The following SNTG1 variants were observed in gnomAD, a reference collection of about 807,000 sequenced individuals.
SNTG1 encodes the protein gamma-1-syntrophin.
A neutral mutation model predicts 74.7 loss-of-function variants in SNTG1; 39 were observed. That is an observed-to-expected ratio of 0.52 (90% CI 0.40 to 0.68). The LOEUF is 0.68. SNTG1 is among the 30% of genes least tolerant of loss of function. The pLI, the probability that SNTG1 is intolerant of heterozygous loss-of-function variation, is 0.00. For missense variants in SNTG1, 685 were observed against 609.5 expected, an observed-to-expected ratio of 1.12 and a Z score of -1.30; for synonymous variants, 254 against 217.1, an observed-to-expected ratio of 1.17 and a Z score of -1.49.
At chr8:50,060,080 T>C (rs1586094905) in intron 1 of SNTG1, among the ~76,000 whole-genome samples, 1 of 152,146 alleles carries the variant, frequency 6.6e-6, no homozygotes, top group African/African-American at 2.4e-5. Context: ...GTGGTTTTGA[T>C]TGGCATTTTC....
intron 1 of SNTG1, among the ~76,000 whole-genome samples, chr8:50,138,006 A>T (rs753586064): frequency 6.6e-6 from 1 of 152,168 alleles, no homozygotes; most frequent in Non-Finnish European, 1.5e-5. Context: ...GATCAAGCCA[A>T]TATCTTTCTT....
At chr8:50,273,966 G>T (rs2087935287) in intron 2 of SNTG1, among the ~76,000 whole-genome samples, 1 of 152,012 alleles carries the variant, frequency 6.6e-6, no homozygotes, top group Admixed American at 6.6e-5. Flanking sequence ...CATATAGATT[G>T]TGCACCTACT....
At chr8:50,047,973 A>AT (rs1225420493) in intron 1 of SNTG1, among the ~76,000 whole-genome samples, 1 of 152,144 alleles carries the variant, frequency 6.6e-6, no homozygotes, top group African/African-American at 2.4e-5. Context: ...ATTTCAAGGT[A>AT]TTTTTCAGAG....
chr8:50,365,785 T>A (rs945457660), intron 2 of SNTG1, among the ~76,000 whole-genome samples: 5 of 152,078 alleles, frequency 3.3e-5, no homozygotes, highest in Admixed American at 1.3e-4. Context: ...AAATTACGAG[T>A]GGTAAAGACA....
intron 8 of SNTG1, among the ~76,000 whole-genome samples, chr8:50,463,145 C>T (rs1032399629): frequency 3.3e-5 from 5 of 152,168 alleles, no homozygotes; most frequent in Non-Finnish European, 7.3e-5. Context: ...AGTTCTCTTG[C>T]TATTTCCACT....
chr8:50,167,196 A>G (rs1355939898), intron 1 of SNTG1, among the ~76,000 whole-genome samples: 11 of 148,462 alleles, frequency 7.4e-5, no homozygotes, highest in East Asian at 2.0e-4. Context: ...TGGGTGCAGC[A>G]CACCAGCATG....
At chr8:50,364,416 G>A (rs560606789) in intron 2 of SNTG1, among the ~76,000 whole-genome samples, 5 of 152,226 alleles carry the variant, frequency 3.3e-5, no homozygotes, top group South Asian at 2.1e-4. Context: ...CTATGACATC[G>A]TAATTTCACA....
At chr8:50,493,413 A>G (rs2093875897) in intron 8 of SNTG1, among the ~76,000 whole-genome samples, 1 of 152,160 alleles carries the variant, frequency 6.6e-6, no homozygotes, top group African/African-American at 2.4e-5. Context: ...GGACTTTTCT[A>G]ATGTTTGTAA....
At chr8:50,367,697 T>C (rs1256205546) in intron 2 of SNTG1, among the ~76,000 whole-genome samples, 1 of 152,152 alleles carries the variant, frequency 6.6e-6, no homozygotes, top group Non-Finnish European at 1.5e-5. Context: ...ATCTAGTAAT[T>C]ACCTGTGATT....
At chr8:50,755,891 C>G (rs1272725229) in intron 18 of SNTG1, among the ~76,000 whole-genome samples, 1 of 151,540 alleles carries the variant, frequency 6.6e-6, no homozygotes, top group Non-Finnish European at 1.5e-5. Flanking sequence ...TAATTTTCAT[C>G]TGTATATATT....
At chr8:50,625,010 T>G (rs2094947640) in intron 13 of SNTG1, among the ~76,000 whole-genome samples, 1 of 152,192 alleles carries the variant, frequency 6.6e-6, no homozygotes, top group Non-Finnish European at 1.5e-5. Context: ...CTTCAGCATT[T>G]CTTTTGCTCT....
chr8:50,360,101 C>T (rs1001194196), intron 2 of SNTG1, among the ~76,000 whole-genome samples: 1 of 151,976 alleles, frequency 6.6e-6, no homozygotes, highest in African/African-American at 2.4e-5. Flanking sequence ...ATTAACTGGT[C>T]TAACAGTTCA....
chr8:50,654,712 C>T (rs760443465), intron 13 of SNTG1, among the ~76,000 whole-genome samples: 26 of 152,072 alleles, frequency 1.7e-4, no homozygotes, highest in Non-Finnish European at 3.5e-4. Context: ...GAAAGAATTT[C>T]CATTTTCTTT....
In SNTG1 at chr8:50,535,380, C is replaced by A. The variant is rs189694233; in HGVS notation, c.550-1298C>A. 8.5e-5 allele frequency among the ~76,000 whole-genome samples: 13 copies of A among 152,244 alleles called. No homozygotes were observed. The East Asian group carries it at 2.3e-3, about 27-fold the overall frequency. Reference sequence around the variant, plus strand: ...ATATGCTGACCACCTGTACAGCTGACATGAAGATCTGACCTCACATCACAT... The same window carrying A: ...ATATGCTGACCACCTGTACAGCTGAAATGAAGATCTGACCTCACATCACAT... On this transcript the variant is annotated intron_variant, in intron 10 of 18. Coordinates refer to ENST00000642720, the MANE Select transcript of SNTG1 (RefSeq NM_018967.5).
chr8:50,625,445 A>G (rs2094950258), intron 13 of SNTG1, among the ~76,000 whole-genome samples: 1 of 152,190 alleles, frequency 6.6e-6, no homozygotes, highest in African/African-American at 2.4e-5. Context: ...ACTTGGTTTA[A>G]CCATCCCATA....
chr8:50,529,364 TG>T (rs2094247864), intron 9 of SNTG1, among the ~76,000 whole-genome samples: 1 of 151,870 alleles, frequency 6.6e-6, no homozygotes, highest in African/African-American at 2.4e-5. Context: ...GAACAATATC[TG>T]TTTTTTAGCA....
intron 17 of SNTG1, among the ~76,000 whole-genome samples, chr8:50,750,311 G>T (rs1410485183): frequency 6.6e-6 from 1 of 151,976 alleles, no homozygotes; most frequent in East Asian, 1.9e-4. Flanking sequence ...TCTTCTTATG[G>T]AGGAGCAAAG....
intron 1 of SNTG1, among the ~76,000 whole-genome samples, chr8:50,013,822 G>T (rs1261519185): frequency 2.0e-5 from 3 of 152,048 alleles, no homozygotes; most frequent in Non-Finnish European, 2.9e-5. Context: ...TGGGCTCAGG[G>T]ATTTTATAAA....
At chr8:50,032,475 C>T (rs1351836985) in intron 1 of SNTG1, among the ~76,000 whole-genome samples, 3 of 151,990 alleles carry the variant, frequency 2.0e-5, no homozygotes, top group African/African-American at 7.2e-5. Flanking sequence ...TTCTGTCTTG[C>T]TAGGCTGCTT....
Sources: gnomAD v4.1 joint callset for allele counts (sites outside exome capture counted in the v4.1 genomes callset) on GRCh38, gnomAD v4.1.1 for gene constraint, MANE v1.5 for transcripts, NCBI Gene and HGNC (gene_info 2026-07-23, HGNC 2026-07-21) for gene names.